NRBP1: variants seen among roughly 807,000 people sequenced by gnomAD.
NRBP1 encodes nuclear receptor-binding protein.
Under a neutral mutation model 76.0 loss-of-function variants are expected in NRBP1, and 10 were observed. The ratio of observed to expected loss-of-function variants is 0.13; its 90% CI spans 0.08 to 0.22. NRBP1 has a LOEUF of 0.22. Ranked by LOEUF, NRBP1 falls within the 10% of genes least tolerant of loss-of-function variation. NRBP1 has a pLI of 1.00. For synonymous variants in NRBP1, 235 were observed against 240.2 expected (o/e 0.98, Z 0.20); for missense variants, 344 against 646.0 (o/e 0.53, Z 5.07).
At chr2:27,435,809 G>A (rs1251587364) in intron 7 of NRBP1, 2 of 717,442 alleles carry the variant, frequency 2.8e-6, no homozygotes, top group African/African-American at 3.5e-5. Context: ...CTTGGCGGCT[G>A]CCCAGTGCAT....
At position 27,441,627 on chromosome 2, in the gene NRBP1, G is replaced by T; in HGVS notation, c.1503+5G>T. On this transcript the variant is annotated splice_donor_5th_base_variant and intron_variant, in intron 17 of 17. Coordinates refer to ENST00000379852, the MANE Select transcript of NRBP1 (RefSeq NM_013392.4). ...CAGCTGGGCTTCATTAGTGAGGTGAGGTTTCTGCCTTCATCTGCCCTGGCT... is the reference window on the plus strand; with the variant it reads ...CAGCTGGGCTTCATTAGTGAGGTGATGTTTCTGCCTTCATCTGCCCTGGCT... 6.2e-7 allele frequency: 1 copy of T among 1,614,050 alleles called. No homozygotes were observed. Among genetic ancestry groups the T allele is most frequent in the Non-Finnish European group, 8.5e-7 (1 of 1,179,990 alleles).
intron 1 of NRBP1, among the ~76,000 whole-genome samples, chr2:27,429,741 AG>A (rs1220833011): frequency 6.6e-6 from 1 of 152,172 alleles, no homozygotes; most frequent in East Asian, 1.9e-4. Context: ...GGGGGGGATA[AG>A]CAAATTCCAA....
At position 27,441,929 on chromosome 2, in the gene NRBP1, T is replaced by C; in HGVS notation, c.*117T>C. The C allele has an allele frequency of 1.5e-6, 1 of 685,648 alleles. No homozygotes were observed. The highest frequency in any genetic ancestry group is 2.5e-5 in the East Asian group (1 of 40,060). 42.5% of individuals were successfully genotyped at this position (685,648 alleles called of 1,614,324 possible). A position where few individuals can be genotyped will look rare whatever the true frequency, so the allele number is the denominator to read the frequency against. Reference sequence around the variant, plus strand: ...GTGAAGCCCCTTCCCTCCTTTATTATTCAGGAGGGCTGGGGGGGCTCCCTG... The same window carrying C: ...GTGAAGCCCCTTCCCTCCTTTATTACTCAGGAGGGCTGGGGGGGCTCCCTG... On this transcript the variant is annotated 3_prime_UTR_variant, in exon 18 of 18. Transcript: ENST00000379852.
intron 12 of NRBP1, 22 bp from the exon 13 acceptor site, chr2:27,440,630 T>G: frequency 6.2e-7 from 1 of 1,614,010 alleles, no homozygotes; most frequent in Non-Finnish European, 8.5e-7. Context: ...TCCTTCCATC[T>G]CCTTTCTCTT....
intron 7 of NRBP1, chr2:27,435,578 G>A (rs745944162): frequency 4.4e-6 from 3 of 688,984 alleles, no homozygotes; most frequent in African/African-American, 1.8e-5. Flanking sequence ...CGTTTGCTGT[G>A]TATTGTATGC....
chr2:27,428,831 T>A (rs1269867999), intron 1 of NRBP1, 100 bp downstream of exon 1: 1 of 397,580 alleles, frequency 2.5e-6, no homozygotes, highest in African/African-American at 2.1e-5. Context: ...GCCAGTCGGG[T>A]GCTGAAGGCG....
At chr2:27,433,953 G>C in intron 3 of NRBP1, 36 bp from the exon 4 acceptor site, 1 of 1,531,032 alleles carries the variant, frequency 6.5e-7, no homozygotes, top group South Asian at 1.1e-5. Context: ...ACAGTGATTT[G>C]TGACTCTGTT....
intron 14 of NRBP1, 59 bp from the exon 15 acceptor site, chr2:27,441,068 T>G: frequency 1.2e-6 from 2 of 1,609,534 alleles, no homozygotes; most frequent in Non-Finnish European, 1.7e-6. Context: ...TCGAAAGACG[T>G]CTAGGTATTG....
In NRBP1 at chr2:27,433,381, C is replaced by T. The variant is rs141796615; in HGVS notation, c.108C>T (p.Ser36=). 5.6e-6 allele frequency: 9 copies of T among 1,614,140 alleles called. No homozygotes were observed. The Admixed American group carries it at 6.7e-5, about 12-fold the overall frequency. ...CATCAGTGTCACCTCCTGTGACCTCCACAACCTCAGCTGCTTCCCCAGAGG... is the reference window on the plus strand; with the variant it reads ...CATCAGTGTCACCTCCTGTGACCTCTACAACCTCAGCTGCTTCCCCAGAGG... ...GLTSVSPPVT[S]TTSAASPEEE... Residue 36 remains serine, a synonymous_variant, in exon 2 of 18, where the codon TCC becomes TCT. Coordinates refer to ENST00000379852, the MANE Select transcript of NRBP1 (RefSeq NM_013392.4).
Position 27,441,721 on chromosome 2 carries a change from G to T in NRBP1, c.1517G>T (p.Arg506Leu). Reference sequence around the variant, plus strand: ...CTTCTCCCCCAGGCTGACCAGAGCCGGTTGACTTCTCTGCTAGAAGAGACC... The same window carrying T: ...CTTCTCCCCCAGGCTGACCAGAGCCTGTTGACTTCTCTGCTAGAAGAGACC... ...LGFISEADQS[R>L]LTSLLEETLN... The change falls in exon 18 of 18, where the codon CGG (arginine) becomes CTG (leucine). Residue 506 changes from arginine to leucine, a missense_variant. Physicochemically the swap from Arg to Leu is moderately radical, Grantham distance 102. Transcript: ENST00000379852. 2 of 1,613,786 alleles carry T rather than the reference G, an allele frequency of 1.2e-6. No homozygotes were observed. Among genetic ancestry groups the T allele is most frequent in the Non-Finnish European group, 8.5e-7 (1 of 1,179,808 alleles).
chr2:27,429,872 G>A (rs973802437), intron 1 of NRBP1, among the ~76,000 whole-genome samples: 1 of 152,162 alleles, frequency 6.6e-6, no homozygotes, highest in Non-Finnish European at 1.5e-5. Context: ...TCCTGTATTA[G>A]AATTCTACTG....
intron 1 of NRBP1, 57 bp from the exon 2 acceptor site, chr2:27,433,197 C>T: frequency 7.9e-7 from 1 of 1,269,146 alleles, no homozygotes; most frequent in East Asian, 2.3e-5. Flanking sequence ...TAAATCTTTA[C>T]AGATGTATCC....
In NRBP1 at chr2:27,441,558, C is replaced by T. The variant is rs1481779378; in HGVS notation, c.1448-9C>T. The T allele has an allele frequency of 1.9e-6, 3 of 1,614,066 alleles. No homozygotes were observed. On this transcript the variant is annotated splice_polypyrimidine_tract_variant and intron_variant, in intron 16 of 17. Transcript: ENST00000379852. ...GTACTGTACTCACCCCCTCCTGTTT[C>T]TTTGTCAGATGAGAATATCCCCGAG...
intron 10 of NRBP1, among the ~76,000 whole-genome samples, chr2:27,437,573 A>C (rs1664354325): frequency 6.6e-6 from 1 of 152,196 alleles, no homozygotes. Flanking sequence ...TGCTGGGGTT[A>C]AAAGTTGTGT....
At position 27,433,914 on chromosome 2, in the gene NRBP1, G is replaced by C. The variant is rs887728845; in HGVS notation, c.334-75G>C. The C allele has an allele frequency of 4.9e-5, 78 of 1,595,768 alleles. 1 individual carries two copies. The highest frequency in any genetic ancestry group is 6.1e-5 in the Non-Finnish European group (71 of 1,165,328). On this transcript the variant is annotated intron_variant, in intron 3 of 17. Coordinates refer to ENST00000379852, the MANE Select transcript of NRBP1 (RefSeq NM_013392.4). Reference sequence around the variant, plus strand: ...GTTGGGGTTAGATCGTTTCTGGGGAGGGATAGGGAATGGCTTCTCAGGATT... The same window carrying C: ...GTTGGGGTTAGATCGTTTCTGGGGACGGATAGGGAATGGCTTCTCAGGATT...
Position 27,442,071 on chromosome 2 carries a change from G to T in NRBP1, c.*259G>T. ...GCAGCCGCCTTCTAGTTGGGGGCTAGTCGCTGATCTGCCGGCTCCCGCCCA... is the reference window on the plus strand; with the variant it reads ...GCAGCCGCCTTCTAGTTGGGGGCTATTCGCTGATCTGCCGGCTCCCGCCCA... On this transcript the variant is annotated 3_prime_UTR_variant, in exon 18 of 18. Transcript: ENST00000379852. The T allele has an allele frequency of 3.7e-6, 2 of 535,480 alleles. No individual in the cohort carries two copies. The highest frequency in any genetic ancestry group is 4.9e-4 in the Middle Eastern group (1 of 2,052). The allele number at this position is 535,480 out of a possible 1,614,324, so 33.2% of individuals were successfully genotyped here.
rs1285959377 is a variant in NRBP1, at chr2:27,433,319, C to G, written c.46C>G (p.Pro16Ala). 6.2e-7 allele frequency: 1 copy of G among 1,614,148 alleles called. No individual in the cohort carries two copies. Residue 16 changes from proline (P) to alanine (A), a missense_variant, in exon 2 of 18, where the codon CCA (proline) becomes GCA (alanine). Transcript: ENST00000379852. ...GACAGTACTTAGCAGTGGCTCAGAC[C>G]CAAAGGTAGAATCCTCATCTTCAGC... Reference protein sequence around the residue: ...SQTVLSSGSDPKVESSSSAPG... With the variant: ...SQTVLSSGSDAKVESSSSAPG...
chr2:27,440,952 G>A lies in NRBP1; in HGVS notation c.1329+12G>A, dbSNP rs906765919. Reference sequence around the variant, plus strand: ...TGGAGACTCGCAAGGTGGGGGCTGTGTGGGTGTGGATTGTCTCCATGGTTG... The same window carrying A: ...TGGAGACTCGCAAGGTGGGGGCTGTATGGGTGTGGATTGTCTCCATGGTTG... On this transcript the variant is annotated intron_variant, in intron 14 of 17. Coordinates refer to ENST00000379852, the MANE Select transcript of NRBP1 (RefSeq NM_013392.4). 1.2e-6 allele frequency: 2 copies of A among 1,612,820 alleles called. No homozygotes were observed. Among genetic ancestry groups the A allele is most frequent in the Admixed American group, 1.7e-5 (1 of 60,010 alleles).
intron 1 of NRBP1, among the ~76,000 whole-genome samples, chr2:27,430,469 C>CTTTTTTT (rs977927783): frequency 1.4e-5 from 2 of 138,684 alleles, no homozygotes; most frequent in Non-Finnish European, 3.1e-5. Context: ...TTCTTTTTTT[C>CTTTTTTT]TTTTTTTTTT....
Sources: gnomAD v4.1 joint callset for allele counts (sites outside exome capture counted in the v4.1 genomes callset) on GRCh38, gnomAD v4.1.1 for gene constraint, MANE v1.5 for transcripts, NCBI Gene and HGNC (gene_info 2026-07-23, HGNC 2026-07-21) for gene names.